The following LEKR1 variants were observed in gnomAD, a reference collection of about 807,000 sequenced individuals.
The protein encoded by LEKR1 is protein LEKR1.
In LEKR1, 59 loss-of-function variants were observed where a neutral mutation model predicts 72.4. The ratio of observed to expected loss-of-function variants is 0.82; its 90% CI spans 0.66 to 1.01. The LOEUF (loss-of-function observed/expected upper bound fraction) is 1.01. Ranked by LOEUF, LEKR1 falls within the 50% of genes least tolerant of loss-of-function variation. LEKR1 has a pLI of 0.00. For missense variants in LEKR1, 728 were observed against 759.2 expected, an observed-to-expected ratio of 0.96 and a Z score of 0.48; for synonymous variants, 257 against 263.2, an observed-to-expected ratio of 0.98 and a Z score of 0.23.
chr3:156,968,422 T>C (rs1472963574), intron 6 of LEKR1, among the ~76,000 whole-genome samples: 1 of 152,056 alleles, frequency 6.6e-6, no homozygotes, highest in Non-Finnish European at 1.5e-5. Context: ...AATAAAGGGA[T>C]GGAGGAAGAT....
intron 10 of LEKR1, among the ~76,000 whole-genome samples, chr3:157,018,479 C>CT (rs753651608): frequency 5.4e-4 from 82 of 152,316 alleles, no homozygotes; most frequent in Non-Finnish European, 9.1e-4. Flanking sequence ...AATATTTTCT[C>CT]TGACCACAAT....
intron 6 of LEKR1, among the ~76,000 whole-genome samples, chr3:156,965,749 AT>A (rs1419409911): frequency 6.6e-6 from 1 of 152,202 alleles, no homozygotes; most frequent in Non-Finnish European, 1.5e-5. Context: ...CTGTATTACC[AT>A]TTGAGTTTTG....
At chr3:156,961,336 T>C (rs898740996) in intron 6 of LEKR1, among the ~76,000 whole-genome samples, 1 of 152,204 alleles carries the variant, frequency 6.6e-6, no homozygotes, top group Non-Finnish European at 1.5e-5. Flanking sequence ...GTTTTTAGGA[T>C]ATTTGCAGAG....
intron 5 of LEKR1, among the ~76,000 whole-genome samples, chr3:156,932,123 A>G (rs909041401): frequency 2.0e-5 from 3 of 152,196 alleles, no homozygotes; most frequent in African/African-American, 7.2e-5. Flanking sequence ...TTTGACAGGT[A>G]TATAGTTATG....
intron 7 of LEKR1, among the ~76,000 whole-genome samples, chr3:156,989,969 A>G (rs536888321): frequency 1.3e-5 from 2 of 152,234 alleles, no homozygotes; most frequent in South Asian, 4.2e-4. Context: ...ACTTTAATCT[A>G]CCATCCATAT....
chr3:156,935,683 G>A (rs1488197594), intron 5 of LEKR1, among the ~76,000 whole-genome samples: 3 of 152,106 alleles, frequency 2.0e-5, no homozygotes, highest in African/African-American at 7.2e-5. Flanking sequence ...AGATGACCGG[G>A]AGCCTAAGAA....
At chr3:157,021,159 A>T (rs1445724045) in intron 10 of LEKR1, among the ~76,000 whole-genome samples, 2 of 151,890 alleles carry the variant, frequency 1.3e-5, no homozygotes, top group African/African-American at 4.8e-5. Flanking sequence ...GTTGGAGTTC[A>T]TTGTAGATTC....
intron 2 of LEKR1, among the ~76,000 whole-genome samples, chr3:156,846,569 A>G (rs1714628534): frequency 6.6e-6 from 1 of 152,074 alleles, no homozygotes; most frequent in South Asian, 2.1e-4. Context: ...GGTCTGTTTG[A>G]CTAATGAGCT....
At chr3:156,866,002 A>G (rs1401630297) in intron 3 of LEKR1, among the ~76,000 whole-genome samples, 2 of 152,028 alleles carry the variant, frequency 1.3e-5, no homozygotes, top group African/African-American at 4.8e-5. Flanking sequence ...TTATTTGTTT[A>G]ATGTTTGCAT....
chr3:157,044,641 A>T (rs1239270885), intron 12 of LEKR1, among the ~76,000 whole-genome samples: 3 of 152,184 alleles, frequency 2.0e-5, no homozygotes, highest in Non-Finnish European at 4.4e-5. Flanking sequence ...GAAGGTACAA[A>T]CTTCTTGAGG....
chr3:157,042,432 C>T (rs544713967), intron 12 of LEKR1, among the ~76,000 whole-genome samples: 11 of 152,294 alleles, frequency 7.2e-5, no homozygotes, highest in African/African-American at 1.7e-4. Flanking sequence ...CTGATCCTTC[C>T]ATGACTGATT....
intron 6 of LEKR1, among the ~76,000 whole-genome samples, chr3:156,952,011 T>C (rs1342568732): frequency 1.3e-5 from 2 of 151,582 alleles, no homozygotes; most frequent in Non-Finnish European, 1.5e-5. Flanking sequence ...TCTTTGAGTG[T>C]ATGAAAGTTG....
intron 3 of LEKR1, among the ~76,000 whole-genome samples, chr3:156,908,555 A>T (rs534387809): frequency 5.3e-5 from 8 of 152,250 alleles, no homozygotes; most frequent in African/African-American, 1.7e-4. Flanking sequence ...TAGCTCGCTT[A>T]GGTCAACATG....
At position 157,011,570 on chromosome 3, in the gene LEKR1, G is replaced by C. The variant is rs866179981; in HGVS notation, c.1203+64G>C. The C allele has an allele frequency of 4.8e-5, 51 of 1,073,056 alleles. 2 individuals are homozygous for C. The African/African-American group carries it at 6.5e-4, about 14-fold the overall frequency. The allele number at this position is 1,073,056 out of a possible 1,614,324, so 66.5% of individuals were successfully genotyped here. On this transcript the variant is annotated intron_variant, in intron 10 of 12. Coordinates refer to ENST00000356539, the MANE Select transcript of LEKR1 (RefSeq NM_001004316.3). ...TGCATTTTAAAAATTCTGACCATTT[G>C]TCAGAAGACTCTTCCGGATAGATTT... is the stretch of plus-strand genomic sequence containing the variant.
intron 3 of LEKR1, among the ~76,000 whole-genome samples, chr3:156,910,358 T>C (rs1049737755): frequency 1.3e-5 from 2 of 152,176 alleles, no homozygotes; most frequent in Non-Finnish European, 1.5e-5. Flanking sequence ...CTCTCACTTG[T>C]AAGTGAGAAC....
In LEKR1 at chr3:157,029,955, C is replaced by T. The variant is rs116225202; in HGVS notation, c.1668+1553C>T. The stretch of plus-strand genomic sequence containing the variant: ...GCCAAATTCAGTAAATGTATATTAG[C>T]ATCTGTGTTACTCTGTTCTTGCCTT... On this transcript the variant is annotated intron_variant, in intron 12 of 12. Transcript: ENST00000356539. Among the ~76,000 whole-genome samples the T allele has an allele frequency of 7.3e-3, 1,114 of 152,284 alleles. 20 individuals are homozygous for T. Among genetic ancestry groups the T allele is most frequent in the African/African-American group, 0.026 (1,063 of 41,554 alleles).
intron 3 of LEKR1, among the ~76,000 whole-genome samples, chr3:156,857,219 A>G (rs536292203): frequency 2.0e-5 from 3 of 152,196 alleles, no homozygotes; most frequent in Admixed American, 2.0e-4. Context: ...AAATCATACT[A>G]ATGGATTTTC....
chr3:156,926,601 G>A (rs1326488197), intron 4 of LEKR1, among the ~76,000 whole-genome samples: 1 of 151,928 alleles, frequency 6.6e-6, no homozygotes, highest in African/African-American at 2.4e-5. Flanking sequence ...AAATGTTTGT[G>A]TTGTCCAGTG....
intron 2 of LEKR1, among the ~76,000 whole-genome samples, chr3:156,841,573 A>T (rs1265731371): frequency 1.3e-5 from 2 of 152,170 alleles, no homozygotes; most frequent in African/African-American, 4.8e-5. Context: ...TATAAAGTGC[A>T]GCTTTGCACT....
Sources: gnomAD v4.1 joint callset for allele counts (sites outside exome capture counted in the v4.1 genomes callset) on GRCh38, gnomAD v4.1.1 for gene constraint, MANE v1.5 for transcripts, NCBI Gene and HGNC (gene_info 2026-07-23, HGNC 2026-07-21) for gene names.